ZDHHC3: variants seen among roughly 807,000 people sequenced by gnomAD.
The protein encoded by ZDHHC3 is palmitoyltransferase ZDHHC3.
A neutral mutation model predicts 30.6 loss-of-function variants in ZDHHC3; 9 were observed. The observed-to-expected ratio is 0.29, with a 90% confidence interval of 0.18 to 0.51. The LOEUF (loss-of-function observed/expected upper bound fraction) is 0.51, where lower values mean the gene tolerates loss of function less well. Among genes scored for constraint, ZDHHC3 ranks in the 20% least tolerant of loss-of-function variants. The probability of loss-of-function intolerance (pLI) is 0.97; values close to 1 mark genes in which losing one functional copy is unlikely to be tolerated. For synonymous variants in ZDHHC3, 136 were observed against 140.2 expected (o/e 0.97, Z 0.21); for missense variants, 246 against 384.2 (o/e 0.64, Z 3.01).
At position 44,924,721 on chromosome 3, in the gene ZDHHC3, G is replaced by A; in HGVS notation, c.*1968C>T. On this transcript the variant is annotated 3_prime_UTR_variant, in exon 7 of 7. Coordinates refer to ENST00000424952, the MANE Select transcript of ZDHHC3 (RefSeq NM_001135179.2). ...GGGCCAGAGCTGTAGCCCTGCTCTAGTTATTTAATACAATAACACTTCTTT... is the reference window on the plus strand; with the variant it reads ...GGGCCAGAGCTGTAGCCCTGCTCTAATTATTTAATACAATAACACTTCTTT... 2 of 985,470 alleles carry A rather than the reference G, an allele frequency of 2.0e-6. No homozygotes were observed. Among genetic ancestry groups the A allele is most frequent in the South Asian group, 9.4e-5 (2 of 21,292 alleles). The allele number at this position is 985,470 out of a possible 1,614,324, so 61.0% of individuals were successfully genotyped here.
chr3:44,929,256 G>C, intron 6 of ZDHHC3, 50 bp downstream of exon 6: 1 of 1,603,606 alleles, frequency 6.2e-7, no homozygotes, highest in Non-Finnish European at 8.5e-7. Flanking sequence ...CTGACCCTGG[G>C]TCCTCCCCAT....
intron 2 of ZDHHC3, among the ~76,000 whole-genome samples, chr3:44,948,379 G>A (rs145374376): frequency 6.6e-6 from 1 of 152,266 alleles, no homozygotes; most frequent in African/African-American, 2.4e-5. Context: ...GAAATGCAAG[G>A]GAGCTGTGGT....
At chr3:44,972,453 ACT>A (rs1705481794) in intron 1 of ZDHHC3, among the ~76,000 whole-genome samples, 1 of 152,104 alleles carries the variant, frequency 6.6e-6, no homozygotes, top group Admixed American at 6.5e-5. Context: ...ACAGAGCAAG[ACT>A]CTGTCTCCAA....
chr3:44,929,513 C>A (rs1701306133), intron 5 of ZDHHC3, 77 bp from the exon 6 acceptor site: 2 of 1,569,880 alleles, frequency 1.3e-6, no homozygotes, highest in Non-Finnish European at 1.7e-6. Flanking sequence ...CCACTAGGCG[C>A]CCACTCTGCC....
At chr3:44,947,708 C>T (rs1422568671) in intron 2 of ZDHHC3, among the ~76,000 whole-genome samples, 1 of 152,226 alleles carries the variant, frequency 6.6e-6, no homozygotes, top group Admixed American at 6.5e-5. Flanking sequence ...CTGACTTCTG[C>T]ATTTTTTACA....
chr3:44,924,948 A>G lies in ZDHHC3; in HGVS notation c.*1741T>C, dbSNP rs1418842372. 2 of 985,454 alleles carry G rather than the reference A, an allele frequency of 2.0e-6. No individual in the cohort carries two copies. Among genetic ancestry groups the G allele is most frequent in the African/African-American group, 1.7e-5 (1 of 57,240 alleles). 61.0% of individuals were successfully genotyped at this position (985,454 alleles called of 1,614,324 possible). On this transcript the variant is annotated 3_prime_UTR_variant, in exon 7 of 7. Transcript: ENST00000424952. ...GCTCTTAGGAGAGCCCATCAGCACA[A>G]AGGAATTGATTCAGGCTGCAGAAAG... is the stretch of plus-strand genomic sequence containing the variant.
intron 1 of ZDHHC3, among the ~76,000 whole-genome samples, chr3:44,974,271 AG>A (rs763830188): frequency 2.8e-4 from 43 of 152,364 alleles, no homozygotes; most frequent in Non-Finnish European, 5.6e-4. Flanking sequence ...AGGGGGGGAC[AG>A]TTCAAATACA....
chr3:44,927,634 G>A (rs1701111544), intron 6 of ZDHHC3, among the ~76,000 whole-genome samples: 1 of 152,246 alleles, frequency 6.6e-6, no homozygotes, highest in Non-Finnish European at 1.5e-5. Context: ...CAGCTGTCAC[G>A]GAGCCAGCGC....
chr3:44,917,934 C>T lies in ZDHHC3; in HGVS notation c.*8755G>A. The T allele has an allele frequency of 7.7e-7, 1 of 1,305,170 alleles. No individual in the cohort carries two copies. The highest frequency in any genetic ancestry group is 1.0e-6 in the Non-Finnish European group (1 of 988,972). The allele number at this position is 1,305,170 out of a possible 1,614,324, so 80.8% of individuals were successfully genotyped here. On this transcript the variant is annotated 3_prime_UTR_variant, in exon 7 of 7. Coordinates refer to ENST00000424952, the MANE Select transcript of ZDHHC3 (RefSeq NM_001135179.2). ...CCTCCACAGAGTCCTCGTCCTTTGT[C>T]TCCTCTGATGGATCCTCCATTGTTT...
chr3:44,921,908 A>G lies in ZDHHC3; in HGVS notation c.*4781T>C. 1.0e-6 allele frequency: 1 copy of G among 985,378 alleles called. No homozygotes were observed. The highest frequency in any genetic ancestry group is 1.2e-6 in the Non-Finnish European group (1 of 829,912). 61.0% of individuals were successfully genotyped at this position (985,378 alleles called of 1,614,324 possible). On this transcript the variant is annotated 3_prime_UTR_variant, in exon 7 of 7. Transcript: ENST00000424952. ...GTGTTAGAGCATGTGCGGCCCCTAGAAGGCTTTTAGCGAACGTCCCTCTGC... is the reference window on the plus strand; with the variant it reads ...GTGTTAGAGCATGTGCGGCCCCTAGGAGGCTTTTAGCGAACGTCCCTCTGC...
rs369530527 is a variant in ZDHHC3 at position 44,920,563 on chromosome 3, G to A, written c.*6126C>T. The A allele has an allele frequency of 5.0e-5, 49 of 985,026 alleles. No individual in the cohort carries two copies. The highest frequency in any genetic ancestry group is 3.0e-4 in the African/African-American group (17 of 57,364). 61.0% of individuals were successfully genotyped at this position (985,026 alleles called of 1,614,324 possible). A position where few individuals can be genotyped will look rare whatever the true frequency, so the allele number is the denominator to read the frequency against. On this transcript the variant is annotated 3_prime_UTR_variant, in exon 7 of 7. Coordinates refer to ENST00000424952, the MANE Select transcript of ZDHHC3 (RefSeq NM_001135179.2). ...AACAGAAGTTCCAAGAGGCCATGAC[G>A]GTGGCCAAGGCTCATCTAGCTTGTT...
chr3:44,932,409 T>C (rs1701573318), intron 5 of ZDHHC3, among the ~76,000 whole-genome samples: 1 of 152,192 alleles, frequency 6.6e-6, no homozygotes, highest in Non-Finnish European at 1.5e-5. Context: ...GGGAAAAGCT[T>C]AGGAAATACA....
At chr3:44,970,184 T>C (rs1444595385) in intron 1 of ZDHHC3, among the ~76,000 whole-genome samples, 1 of 152,206 alleles carries the variant, frequency 6.6e-6, no homozygotes, top group Non-Finnish European at 1.5e-5. Context: ...TCTGCTGGTA[T>C]CACTTATTCC....
chr3:44,921,440 T>C lies in ZDHHC3; in HGVS notation c.*5249A>G. ...TGTAACCCACAAGAGGAAACATTTT[T>C]CTGTTGCATTCCAGAACACATATAC... is the stretch of plus-strand genomic sequence containing the variant. On this transcript the variant is annotated 3_prime_UTR_variant, in exon 7 of 7. Coordinates refer to ENST00000424952, the MANE Select transcript of ZDHHC3 (RefSeq NM_001135179.2). The C allele has an allele frequency of 4.1e-6, 4 of 985,458 alleles. No homozygotes were observed. Among genetic ancestry groups the C allele is most frequent in the Non-Finnish European group, 4.8e-6 (4 of 829,942 alleles). 61.0% of individuals were successfully genotyped at this position (985,458 alleles called of 1,614,324 possible).
Position 44,959,492 on chromosome 3 carries a change from G to T in ZDHHC3, c.-24-32C>A, listed in dbSNP as rs1704276890. On this transcript the variant is annotated intron_variant, in intron 1 of 6. Coordinates refer to ENST00000424952, the MANE Select transcript of ZDHHC3 (RefSeq NM_001135179.2). The surrounding 1 kb of genome is among the most constrained non-coding windows in gnomAD (Gnocchi z 4.3). ...GAGAGAGGAAAGAATCCAGAAACTT[G>T]GTGTTGTCTTGTCATCAAGGAGGTT... 6.4e-7 allele frequency: 1 copy of T among 1,567,856 alleles called. No homozygotes were observed. Among genetic ancestry groups the T allele is most frequent in the Non-Finnish European group, 8.7e-7 (1 of 1,153,594 alleles).
At chr3:44,958,225 A>G (rs1478775869) in intron 2 of ZDHHC3, among the ~76,000 whole-genome samples, 1 of 152,162 alleles carries the variant, frequency 6.6e-6, no homozygotes, top group Non-Finnish European at 1.5e-5. Flanking sequence ...GGATGGATTA[A>G]TAATAATCTA....
At chr3:44,950,129 C>A (rs1365002818) in intron 2 of ZDHHC3, among the ~76,000 whole-genome samples, 2 of 152,168 alleles carry the variant, frequency 1.3e-5, no homozygotes, top group Non-Finnish European at 2.9e-5. Context: ...GAGCCATTGT[C>A]CCCAGCTGTG....
At chr3:44,935,659 A>T (rs2125834374) in intron 3 of ZDHHC3, among the ~76,000 whole-genome samples, 1 of 152,354 alleles carries the variant, frequency 6.6e-6, no homozygotes, top group African/African-American at 2.4e-5. Context: ...ATGTACAGCC[A>T]ATCACTAATC....
In ZDHHC3 at chr3:44,959,257, G is replaced by A. The variant is rs1221401796; in HGVS notation, c.180C>T (p.Phe60=). ...GAATCAGCATGACAAAGAGGACCAC[G>A]AACTCCGCATAGAGGACCAGAAACC... ...VTWFLVLYAE[F]VVLFVMLIPS... The change falls in exon 2 of 7, where the codon TTC becomes TTT. Residue 60 remains phenylalanine, a synonymous_variant. Coordinates refer to ENST00000424952, the MANE Select transcript of ZDHHC3 (RefSeq NM_001135179.2). The surrounding 1 kb of genome is among the most constrained non-coding windows in gnomAD (Gnocchi z 4.3). 3 of 1,614,208 alleles carry A rather than the reference G, an allele frequency of 1.9e-6. No individual in the cohort carries two copies. The highest frequency in any genetic ancestry group is 2.2e-5 in the East Asian group (1 of 44,882).
Sources: allele counts gnomAD v4.1 joint callset (sites outside exome capture counted in the v4.1 genomes callset), GRCh38; gene constraint gnomAD v4.1.1; non-coding constraint Gnocchi (gnomAD v3.1); transcripts MANE v1.5; gene names NCBI Gene and HGNC (gene_info 2026-07-23, HGNC 2026-07-21).